CAMK2B: variants seen among roughly 807,000 people sequenced by gnomAD.
The protein encoded by CAMK2B is calcium/calmodulin dependent protein kinase II beta.
In CAMK2B, 27 loss-of-function variants were observed where a neutral mutation model predicts 93.7. The ratio of observed to expected loss-of-function variants is 0.29; its 90% CI spans 0.21 to 0.40. CAMK2B has a LOEUF of 0.40. CAMK2B is among the 10% of genes least tolerant of loss of function. CAMK2B has a pLI of 1.00. For synonymous variants in CAMK2B, 374 were observed against 358.8 expected (o/e 1.04, Z -0.48); for missense variants, 568 against 895.8 (o/e 0.63, Z 4.67).
At chr7:44,293,963 C>T (rs942503085) in intron 1 of CAMK2B, among the ~76,000 whole-genome samples, 8 of 152,214 alleles carry the variant, frequency 5.3e-5, no homozygotes, top group African/African-American at 1.2e-4. Context: ...CTGCTACAGC[C>T]GGGACCCTCT....
intron 1 of CAMK2B, among the ~76,000 whole-genome samples, chr7:44,322,192 A>G (rs1268201779): frequency 6.6e-6 from 1 of 152,242 alleles, no homozygotes; most frequent in African/African-American, 2.4e-5. Flanking sequence ...AGGTGTCAAC[A>G]AGACTGTTGA....
intron 19 of CAMK2B, among the ~76,000 whole-genome samples, chr7:44,226,919 G>T (rs529151688): frequency 2.8e-5 from 1 of 36,184 alleles, no homozygotes; most frequent in African/African-American, 1.4e-4. Flanking sequence ...TGGAGGAGAC[G>T]TGGGAGACAG....
At chr7:44,249,879 C>T (rs2096764051) in intron 5 of CAMK2B, among the ~76,000 whole-genome samples, 1 of 152,220 alleles carries the variant, frequency 6.6e-6, no homozygotes, top group African/African-American at 2.4e-5. Flanking sequence ...CTCGCCCAGT[C>T]CTCCTCAGCC....
intron 3 of CAMK2B, among the ~76,000 whole-genome samples, chr7:44,261,526 G>A (rs988364905): frequency 6.6e-6 from 1 of 152,222 alleles, no homozygotes; most frequent in South Asian, 2.1e-4. Context: ...AGGCAGATGG[G>A]CTCCGGGGTG....
intron 1 of CAMK2B, among the ~76,000 whole-genome samples, chr7:44,296,198 A>G (rs1788268166): frequency 6.6e-6 from 1 of 152,230 alleles, no homozygotes; most frequent in African/African-American, 2.4e-5. Flanking sequence ...TTCCCATGCT[A>G]AAGGCTCTAA....
At chr7:44,229,677 C>T (rs1335946983) in intron 17 of CAMK2B, 176 bp from the exon 18 acceptor site, 2 of 491,050 alleles carry the variant, frequency 4.1e-6, no homozygotes, top group African/African-American at 4.0e-5. Context: ...GTGGTGGCCG[C>T]AGCAGGTATG....
At chr7:44,234,522 T>TC in intron 14 of CAMK2B, 61 bp from the exon 15 acceptor site, 3 of 1,581,160 alleles carry the variant, frequency 1.9e-6, no homozygotes, top group Non-Finnish European at 2.6e-6. Context: ...CCATTCCCTG[T>TC]CCCGTGTCTC....
At chr7:44,314,978 C>A (rs1794497382) in intron 1 of CAMK2B, among the ~76,000 whole-genome samples, 1 of 152,142 alleles carries the variant, frequency 6.6e-6, no homozygotes, top group South Asian at 2.1e-4. Flanking sequence ...AATACAAATT[C>A]CTTACCAGAC....
Position 44,243,406 on chromosome 7 carries a change from C to T in CAMK2B, c.517+19G>A. ...GCCCTGCCAACTGCCAGCCAACACA[C>T]CCTGCCCCTGGCACTCACCAAACCA... On this transcript the variant is annotated intron_variant, in intron 7 of 23. Transcript: ENST00000395749. 1 of 1,613,284 alleles carries T rather than the reference C, an allele frequency of 6.2e-7. No individual in the cohort carries two copies. The highest frequency in any genetic ancestry group is 1.3e-5 in the African/African-American group (1 of 75,054).
chr7:44,265,800 C>T (rs781080649), intron 2 of CAMK2B, among the ~76,000 whole-genome samples: 18 of 152,296 alleles, frequency 1.2e-4, no homozygotes, highest in Admixed American at 2.6e-4. Flanking sequence ...GACTGGTCCT[C>T]TTTCTGTAAC....
chr7:44,240,011 G>A (rs2096661183), intron 12 of CAMK2B, among the ~76,000 whole-genome samples: 1 of 152,180 alleles, frequency 6.6e-6, no homozygotes. Flanking sequence ...TAACAGGATG[G>A]CGGGTGGGGG....
At position 44,271,215 on chromosome 7, in the gene CAMK2B, C is replaced by T. The variant is rs1014198245; in HGVS notation, c.161-8151G>A. On this transcript the variant is annotated intron_variant, in intron 2 of 23. Coordinates refer to ENST00000395749, the MANE Select transcript of CAMK2B (RefSeq NM_001220.5). This position sits in a 1 kb window ranked among gnomAD's most constrained non-coding sequence, Gnocchi z 4.2. Reference sequence around the variant, plus strand: ...ATTACAGGCATGAGCCACCATCTGGCCCTCTAGACTCTTAAACAGCTCGCC... The same window carrying T: ...ATTACAGGCATGAGCCACCATCTGGTCCTCTAGACTCTTAAACAGCTCGCC... 6.6e-6 allele frequency among the ~76,000 whole-genome samples: 1 copy of T among 152,170 alleles called. No homozygotes were observed. Among genetic ancestry groups the T allele is most frequent in the African/African-American group, 2.4e-5 (1 of 41,434 alleles).
intron 2 of CAMK2B, among the ~76,000 whole-genome samples, chr7:44,275,846 G>T (rs761216441): frequency 6.6e-6 from 1 of 152,124 alleles, no homozygotes; most frequent in Non-Finnish European, 1.5e-5. Context: ...TGGATGCAGG[G>T]TCCCTTCCCC....
chr7:44,263,190 C>A, intron 2 of CAMK2B, 126 bp from the exon 3 acceptor site: 3 of 812,690 alleles, frequency 3.7e-6, no homozygotes, highest in South Asian at 2.0e-5. Context: ...GTTGTGCCCC[C>A]ACCAAGGGAA....
intron 1 of CAMK2B, among the ~76,000 whole-genome samples, chr7:44,292,299 C>G (rs1051982948): frequency 1.3e-5 from 2 of 152,174 alleles, no homozygotes; most frequent in African/African-American, 2.4e-5. Flanking sequence ...TGACCTCATC[C>G]TAACTTGACT....
chr7:44,251,473 C>T (rs558019565), intron 5 of CAMK2B, among the ~76,000 whole-genome samples: 6 of 152,304 alleles, frequency 3.9e-5, no homozygotes, highest in South Asian at 4.1e-4. Context: ...TGCTGAAGCC[C>T]GAGGAGGGGC....
chr7:44,319,894 G>A (rs764342155), intron 1 of CAMK2B, among the ~76,000 whole-genome samples: 4 of 152,142 alleles, frequency 2.6e-5, no homozygotes, highest in Non-Finnish European at 4.4e-5. Flanking sequence ...CACATATATG[G>A]TGATTCCATC....
At chr7:44,247,369 G>A (rs1303255765) in intron 5 of CAMK2B, 177 bp from the exon 6 acceptor site, 2 of 641,682 alleles carry the variant, frequency 3.1e-6, no homozygotes, top group Non-Finnish European at 2.8e-6. Context: ...CACCTCCAAG[G>A]CCAGCAACTC....
chr7:44,288,320 T>C (rs3935161), intron 1 of CAMK2B, among the ~76,000 whole-genome samples: 45,878 of 152,224 alleles, frequency 0.3, 7,928 homozygotes, highest in Non-Finnish European at 0.39. Context: ...CAGCAAAGAA[T>C]GCCTTGGATG....
Sources: gnomAD v4.1 joint callset for allele counts (sites outside exome capture counted in the v4.1 genomes callset) on GRCh38, gnomAD v4.1.1 for gene constraint, Gnocchi (gnomAD v3.1) non-coding constraint, MANE v1.5 for transcripts, NCBI Gene and HGNC (gene_info 2026-07-23, HGNC 2026-07-21) for gene names.